The following DMTF1 variants were observed in gnomAD, a reference collection of about 807,000 sequenced individuals.
The protein encoded by DMTF1 is cyclin-D-binding Myb-like transcription factor 1.
A neutral mutation model predicts 91.1 loss-of-function variants in DMTF1; 39 were observed. The observed-to-expected ratio is 0.43, with a 90% CI of 0.33 to 0.56. The LOEUF is 0.56. Ranked by LOEUF, DMTF1 falls within the 20% of genes least tolerant of loss-of-function variation. The pLI is 0.05. For missense variants in DMTF1, 750 were observed against 914.5 expected (o/e 0.82, Z 2.32); for synonymous variants, 338 against 309.5 (o/e 1.09, Z -0.97).
intron 12 of DMTF1, chr7:87,187,742 A>AT (rs1798781723): frequency 4.0e-6 from 1 of 248,310 alleles, no homozygotes; most frequent in Non-Finnish European, 7.8e-6. Context: ...AAAAATGAAA[A>AT]TAAGCTGTTT....
In DMTF1 at chr7:87,188,231, G is replaced by A; in HGVS notation, c.1341G>A (p.Leu447=). ...VQHVQIRVAR[L]EDNTAISSSP... is the part of the protein sequence containing the mutation. ...ATGTTCAGATAAGAGTTGCCCGCTT[G>A]GAAGATAATACAGCCATCTCTTCTA... Residue 447 remains leucine, a synonymous_variant, in exon 13 of 18, where the codon TTG becomes TTA. Transcript: ENST00000331242. 1.2e-6 allele frequency: 2 copies of A among 1,613,968 alleles called. No individual in the cohort carries two copies. The highest frequency in any genetic ancestry group is 1.7e-6 in the Non-Finnish European group (2 of 1,179,904).
At chr7:87,153,205 C>T (rs1297125514) in intron 1 of DMTF1, among the ~76,000 whole-genome samples, 1 of 152,002 alleles carries the variant, frequency 6.6e-6, no homozygotes, top group African/African-American at 2.4e-5. Flanking sequence ...ATCGGGATAG[C>T]TGGCCGAACC....
chr7:87,171,217 TA>T (rs1794999284), intron 5 of DMTF1, 128 bp downstream of exon 5: 1 of 538,368 alleles, frequency 1.9e-6, no homozygotes, highest in Admixed American at 3.8e-5. Flanking sequence ...TGCCCAGGTT[TA>T]GCCCTTATTA....
rs1287915737 is a variant in DMTF1 at position 87,195,093 on chromosome 7, G to A, written c.2236G>A (p.Val746Ile). The A allele has an allele frequency of 6.2e-7, 1 of 1,612,294 alleles. No individual in the cohort carries two copies. The highest frequency in any genetic ancestry group is 1.7e-5 in the Admixed American group (1 of 59,872). Residue 746 changes from valine (V) to isoleucine (I), a missense_variant, in exon 18 of 18, where the codon GTT becomes ATT. By Grantham distance (29) the Val-to-Ile change is conservative. Transcript: ENST00000331242. ...CATTGGATCATCCTTGGGCAGTCCTGTTTCAGAAGATTCAAAGGATGTCGA... is the reference window on the plus strand; with the variant it reads ...CATTGGATCATCCTTGGGCAGTCCTATTTCAGAAGATTCAAAGGATGTCGA... ...NIIGSSLGSP[V>I]SEDSKDVEDL...
At chr7:87,161,607 A>G (rs930413204) in intron 1 of DMTF1, among the ~76,000 whole-genome samples, 5 of 152,248 alleles carry the variant, frequency 3.3e-5, no homozygotes. Flanking sequence ...GATTGAACAA[A>G]TAAGCTTGAT....
At chr7:87,193,048 G>C (rs1323469522) in intron 14 of DMTF1, 150 bp from the exon 15 acceptor site, 5 of 708,370 alleles carry the variant, frequency 7.1e-6, no homozygotes, top group African/African-American at 1.8e-5. Flanking sequence ...GCTAGGTAAT[G>C]ACTTGAGACG....
chr7:87,193,741 A>C lies in DMTF1; in HGVS notation c.1667A>C (p.Asn556Thr). ...GTTTTATAGCCAGAACATTTGTTGA[A>C]CACAAGTGATAATGTTACAGTGCAG... ...VHALSPEHLL[N>T]TSDNVTVQCH... The change falls in exon 16 of 18, where the codon AAC becomes ACC. Residue 556 changes from asparagine to threonine, a missense_variant. By Grantham distance (65) the Asn-to-Thr change is moderately conservative. Transcript: ENST00000331242. 1 of 1,601,512 alleles carries C rather than the reference A, an allele frequency of 6.2e-7. No homozygotes were observed. Among genetic ancestry groups the C allele is most frequent in the Non-Finnish European group, 8.5e-7 (1 of 1,174,304 alleles).
rs1554355444 is a variant in DMTF1, at chr7:87,193,179, T to C, written c.1495-19T>C. 3 of 1,612,176 alleles carry C rather than the reference T, an allele frequency of 1.9e-6. No homozygotes were observed. The highest frequency in any genetic ancestry group is 1.7e-5 in the Admixed American group (1 of 59,810). On this transcript the variant is annotated intron_variant, in intron 14 of 17. Coordinates refer to ENST00000331242, the MANE Select transcript of DMTF1 (RefSeq NM_001142327.2). ...AGTAGACTTAATCATTGTTAAACTATCTTTCCTTTTTCCTTTAGTCTTTCC... is the reference window on the plus strand; with the variant it reads ...AGTAGACTTAATCATTGTTAAACTACCTTTCCTTTTTCCTTTAGTCTTTCC...
chr7:87,192,504 G>T (rs1009386797), intron 14 of DMTF1: 1 of 152,004 alleles, frequency 6.6e-6, no homozygotes, highest in Non-Finnish European at 1.5e-5. Context: ...CAGGAGAGTT[G>T]TTTCAGCTAA....
chr7:87,189,218 C>T (rs773020986), intron 13 of DMTF1, among the ~76,000 whole-genome samples: 3 of 152,136 alleles, frequency 2.0e-5, no homozygotes, highest in African/African-American at 4.8e-5. Flanking sequence ...GGTTGAGAAT[C>T]GCAGAACCAC....
intron 5 of DMTF1, 133 bp from the exon 6 acceptor site, chr7:87,173,402 G>A: frequency 4.4e-6 from 2 of 456,530 alleles, no homozygotes; most frequent in Non-Finnish European, 7.8e-6. Context: ...TCTAAAACAA[G>A]TGAATTCCAT....
intron 12 of DMTF1, chr7:87,187,567 TTAGAGAGGATAAGCGTATTTTACGAA>T (rs1798733880): frequency 6.5e-6 from 1 of 154,542 alleles, no homozygotes; most frequent in African/African-American, 2.4e-5. Context: ...AAAAATCCAG[TTAGAGAGGATAAGCGTATTTTACGAA>T]TAGAGCAAAG....
intron 12 of DMTF1, 40 bp downstream of exon 12, chr7:87,186,020 T>C: frequency 6.2e-7 from 1 of 1,608,104 alleles, no homozygotes; most frequent in Non-Finnish European, 8.5e-7. Flanking sequence ...CCCCTTTTCT[T>C]ACCATATTTA....
At chr7:87,153,150 C>T (rs982995752) in intron 1 of DMTF1, among the ~76,000 whole-genome samples, 4 of 151,722 alleles carry the variant, frequency 2.6e-5, no homozygotes, top group African/African-American at 9.7e-5. Flanking sequence ...TGTAATTTTG[C>T]GGGGGTTCAG....
chr7:87,193,097 A>G (rs1191327677), intron 14 of DMTF1, 101 bp from the exon 15 acceptor site: 4 of 1,276,306 alleles, frequency 3.1e-6, no homozygotes, highest in Non-Finnish European at 4.4e-6. Context: ...GCACCTTCAC[A>G]ATGGGTAAGT....
At chr7:87,185,748 G>C (rs1316057331) in intron 11 of DMTF1, 81 bp from the exon 12 acceptor site, 2 of 1,485,620 alleles carry the variant, frequency 1.3e-6, no homozygotes, top group African/African-American at 2.8e-5. Context: ...TTATTTGCCA[G>C]TGCAATTACC....
Position 87,184,692 on chromosome 7 carries a change from C to G in DMTF1, c.1049+67C>G, listed in dbSNP as rs886096037. The G allele has an allele frequency of 4.9e-6, 7 of 1,418,168 alleles. No individual in the cohort carries two copies. In the South Asian group the frequency reaches 7.2e-5, roughly 15 times the overall value. 87.8% of individuals were successfully genotyped at this position (1,418,168 alleles called of 1,614,324 possible). A position where few individuals can be genotyped will look rare whatever the true frequency, so the allele number is the denominator to read the frequency against. The stretch of plus-strand genomic sequence containing the variant: ...TCTGTGGATGTCTTGATAGACTTTC[C>G]TCTTTTGGTTTTCCTGGATGCCTAG... On this transcript the variant is annotated intron_variant, in intron 11 of 17. Coordinates refer to ENST00000331242, the MANE Select transcript of DMTF1 (RefSeq NM_001142327.2).
chr7:87,186,726 T>C (rs1278023775), intron 12 of DMTF1: 1 of 152,250 alleles, frequency 6.6e-6, no homozygotes, highest in African/African-American at 2.4e-5. Flanking sequence ...CTAGGAGCAA[T>C]AGACTGTATA....
chr7:87,167,043 G>T (rs1793987767), intron 4 of DMTF1, among the ~76,000 whole-genome samples: 1 of 152,104 alleles, frequency 6.6e-6, no homozygotes, highest in African/African-American at 2.4e-5. Context: ...CTTTACAATA[G>T]GTACTAATAT....
Sources: allele counts gnomAD v4.1 joint callset (sites outside exome capture counted in the v4.1 genomes callset), GRCh38; gene constraint gnomAD v4.1.1; transcripts MANE v1.5; gene names NCBI Gene and HGNC (gene_info 2026-07-23, HGNC 2026-07-21).